The following CAMTA1 variants were observed in gnomAD, a reference collection of about 807,000 sequenced individuals.
CAMTA1 encodes the protein calmodulin binding transcription activator 1, also known as calmodulin-binding transcription activator 1.
CAMTA1 carries 27 observed loss-of-function variants against 170.9 expected under a neutral mutation model. That is an observed-to-expected ratio of 0.16 (90% CI 0.12 to 0.22). The LOEUF is 0.22. Ranked by LOEUF, CAMTA1 falls within the 10% of genes least tolerant of loss-of-function variation. The pLI, the probability that CAMTA1 is intolerant of heterozygous loss-of-function variation, is 1.00. For missense variants in CAMTA1, 1,619 were observed against 2,217.2 expected (o/e 0.73, Z 5.42); for synonymous variants, 833 against 891.5 (o/e 0.93, Z 1.17).
At chr1:7,474,527 G>A (rs1013014784) in intron 6 of CAMTA1, among the ~76,000 whole-genome samples, 1 of 152,236 alleles carries the variant, frequency 6.6e-6, no homozygotes, top group Non-Finnish European at 1.5e-5. Flanking sequence ...AGGTAGACCT[G>A]TAAGTGGACA....
Position 7,766,614 on chromosome 1 carries a change from C to A in CAMTA1, c.*123C>A, listed in dbSNP as rs1055597275. ...ACACGCACACACACACACGTACACA[C>A]ACATACAAAATCCCTCTGCAGTTTT... is the stretch of plus-strand genomic sequence containing the variant. On this transcript the variant is annotated 3_prime_UTR_variant, in exon 23 of 23. Transcript: ENST00000303635. The A allele has an allele frequency of 1.2e-6, 1 of 809,328 alleles. No individual in the cohort carries two copies. Among genetic ancestry groups the A allele is most frequent in the Non-Finnish European group, 2.1e-6 (1 of 482,696 alleles). 50.1% of individuals were successfully genotyped at this position (809,328 alleles called of 1,614,324 possible). A position where few individuals can be genotyped will look rare whatever the true frequency, so the allele number is the denominator to read the frequency against.
rs1220988422 is a variant in CAMTA1, at chr1:7,685,251, C to A, written c.2914+7518C>A. ...AGCATTTACTATATACACAGCAATA[C>A]GTATTTAGGGAAGGATGCAGATATG... On this transcript the variant is annotated intron_variant, in intron 11 of 22. Transcript: ENST00000303635. The surrounding 1 kb of genome is among the most constrained non-coding windows in gnomAD (Gnocchi z 5.7). Among the ~76,000 whole-genome samples, 1 of 152,168 alleles carries A rather than the reference C, an allele frequency of 6.6e-6. No homozygotes were observed. Among genetic ancestry groups the A allele is most frequent in the African/African-American group, 2.4e-5 (1 of 41,440 alleles).
At chr1:7,554,721 G>A (rs1278355103) in intron 6 of CAMTA1, among the ~76,000 whole-genome samples, 6 of 152,042 alleles carry the variant, frequency 3.9e-5, no homozygotes, top group South Asian at 2.1e-4. Flanking sequence ...CCACAAGCTG[G>A]GTTCTTCCTC....
intron 1 of CAMTA1, chr1:6,807,034 C>T (rs1198035160): frequency 1.0e-5 from 7 of 669,728 alleles, no homozygotes; most frequent in South Asian, 1.6e-5. Flanking sequence ...AAGGGGGAGA[C>T]GGACATTAAT....
chr1:6,886,119 G>A (rs1003564558), intron 3 of CAMTA1: 2 of 419,742 alleles, frequency 4.8e-6, no homozygotes, highest in East Asian at 7.2e-5. Flanking sequence ...CCATCTGCAC[G>A]TGGTTATGGG....
At chr1:7,724,535 A>C (rs2096670421) in intron 11 of CAMTA1, among the ~76,000 whole-genome samples, 1 of 152,182 alleles carries the variant, frequency 6.6e-6, no homozygotes, top group Admixed American at 6.5e-5. Flanking sequence ...TATTCCTTCA[A>C]AAGATTGCAT....
Position 7,534,998 on chromosome 1 carries a change from G to T in CAMTA1, c.510+67097G>T, listed in dbSNP as rs2094532290. 1.3e-5 allele frequency among the ~76,000 whole-genome samples: 2 copies of T among 152,004 alleles called. No homozygotes were observed. The highest frequency in any genetic ancestry group is 4.8e-5 in the African/African-American group (2 of 41,374). ...TGAAGGAGAGAGGAGGGGAGGGGAG[G>T]GCTAGGAAGATCCCATCCAAAAAAG... On this transcript the variant is annotated intron_variant, in intron 6 of 22. Transcript: ENST00000303635. This position sits in a 1 kb window ranked among gnomAD's most constrained non-coding sequence, Gnocchi z 5.6.
At chr1:7,244,309 C>T (rs1226985452) in intron 4 of CAMTA1, among the ~76,000 whole-genome samples, 1 of 152,194 alleles carries the variant, frequency 6.6e-6, no homozygotes, top group African/African-American at 2.4e-5. Flanking sequence ...TAAACTAGTT[C>T]AACCATTGCG....
At chr1:7,061,210 C>G (rs1320603950) in intron 3 of CAMTA1, among the ~76,000 whole-genome samples, 1 of 152,206 alleles carries the variant, frequency 6.6e-6, no homozygotes, top group Non-Finnish European at 1.5e-5. Flanking sequence ...TAACCAAGCT[C>G]CCCCCTCCAC....
intron 22 of CAMTA1, among the ~76,000 whole-genome samples, chr1:7,761,541 G>C (rs1194943856): frequency 9.9e-5 from 15 of 152,184 alleles, no homozygotes; most frequent in Non-Finnish European, 4.4e-5. Context: ...CCTTAGCTAA[G>C]TGTGTGTAAC....
At chr1:7,295,397 C>G (rs575609405) in intron 5 of CAMTA1, among the ~76,000 whole-genome samples, 1 of 152,310 alleles carries the variant, frequency 6.6e-6, no homozygotes, top group South Asian at 2.1e-4. Flanking sequence ...CCTCTTCAAC[C>G]AGATTGTAAC....
chr1:7,558,234 C>T (rs1036874509), intron 6 of CAMTA1, among the ~76,000 whole-genome samples: 7 of 152,256 alleles, frequency 4.6e-5, no homozygotes, highest in East Asian at 1.9e-4. Flanking sequence ...CTCTCCTGCT[C>T]ATGGCGCCAG....
rs1253979320 is a variant in CAMTA1, at chr1:7,670,923, G to A, written c.2665G>A (p.Val889Ile). ...CTGTTCTCTGCAGGGAGGAGTGAAGGTCCTCATCACAGGCCCGTGGCAAGA... is the reference window on the plus strand; with the variant it reads ...CTGTTCTCTGCAGGGAGGAGTGAAGATCCTCATCACAGGCCCGTGGCAAGA... ...EWSYPEGGVK[V>I]LITGPWQEAS... The change falls in exon 10 of 23, where the codon GTC becomes ATC. Residue 889 changes from valine to isoleucine, a missense_variant. By Grantham distance (29) the Val-to-Ile change is conservative. This residue lies in a region of CAMTA1 where 29 missense variants were observed against 70.9 expected (regional missense o/e 0.41). Coordinates refer to ENST00000303635, the MANE Select transcript of CAMTA1 (RefSeq NM_015215.4). The A allele has an allele frequency of 1.2e-6, 2 of 1,613,614 alleles. No homozygotes were observed. The highest frequency in any genetic ancestry group is 1.3e-5 in the African/African-American group (1 of 74,930).
intron 3 of CAMTA1, among the ~76,000 whole-genome samples, chr1:7,047,548 G>A (rs532940392): frequency 6.6e-6 from 1 of 152,034 alleles, no homozygotes; most frequent in South Asian, 2.1e-4. Context: ...CCCTTCTTCA[G>A]CTTCCTCCCT....
intron 3 of CAMTA1, among the ~76,000 whole-genome samples, chr1:7,056,282 T>C (rs1243077344): frequency 1.3e-5 from 2 of 152,192 alleles, no homozygotes; most frequent in Middle Eastern, 3.2e-3. Flanking sequence ...TCTTTTGATG[T>C]TTCCTTGGTG....
intron 6 of CAMTA1, among the ~76,000 whole-genome samples, chr1:7,637,993 A>G (rs1321381794): frequency 6.6e-6 from 1 of 152,182 alleles, no homozygotes; most frequent in Non-Finnish European, 1.5e-5. Flanking sequence ...TGGTTAACTG[A>G]GCGTTGGCAG....
At chr1:7,553,530 G>A (rs528381070) in intron 6 of CAMTA1, among the ~76,000 whole-genome samples, 1 of 152,250 alleles carries the variant, frequency 6.6e-6, no homozygotes, top group African/African-American at 2.4e-5. Context: ...AGGGATAAGC[G>A]AAGCTCAGGG....
At chr1:7,401,196 A>G (rs1302102865) in intron 5 of CAMTA1, among the ~76,000 whole-genome samples, 1 of 152,222 alleles carries the variant, frequency 6.6e-6, no homozygotes, top group Non-Finnish European at 1.5e-5. Context: ...GGTGCAAGGT[A>G]TAGATTAAGA....
In CAMTA1 at chr1:7,063,789, G is replaced by A. The variant is rs1708598801; in HGVS notation, c.235-27515G>A. Among the ~76,000 whole-genome samples the A allele has an allele frequency of 6.6e-6, 1 of 152,214 alleles. No individual in the cohort carries two copies. The highest frequency in any genetic ancestry group is 1.5e-5 in the Non-Finnish European group (1 of 68,034). ...CGATTAGCATCCTGCCAGGGATGCT[G>A]GGAACACAGTGGTGAATAAGTTGGG... On this transcript the variant is annotated intron_variant, in intron 3 of 22. Transcript: ENST00000303635. This position sits in a 1 kb window ranked among gnomAD's most constrained non-coding sequence, Gnocchi z 4.3.
Sources: allele counts gnomAD v4.1 joint callset (sites outside exome capture counted in the v4.1 genomes callset), GRCh38; gene constraint gnomAD v4.1.1; regional missense constraint gnomAD v4.1.1; non-coding constraint Gnocchi (gnomAD v3.1); transcripts MANE v1.5; gene names NCBI Gene and HGNC (gene_info 2026-07-23, HGNC 2026-07-21).